The following HIP1 variants were observed in gnomAD, a reference collection of about 807,000 sequenced individuals.
The protein encoded by HIP1 is huntingtin-interacting protein 1.
Under a neutral mutation model 147.6 loss-of-function variants are expected in HIP1, and 65 were observed. That is an observed-to-expected ratio of 0.44 (90% CI 0.36 to 0.54). HIP1 has a LOEUF of 0.54. Among genes scored for constraint, HIP1 ranks in the 20% least tolerant of loss-of-function variants. The probability of loss-of-function intolerance (pLI) is 0.00; values close to 1 mark genes in which losing one functional copy is unlikely to be tolerated. For missense variants in HIP1, 1,061 were observed against 1,299.6 expected (o/e 0.82, Z 2.82); for synonymous variants, 479 against 504.0 (o/e 0.95, Z 0.67).
intron 1 of HIP1, among the ~76,000 whole-genome samples, chr7:75,701,061 G>T (rs1800815472): frequency 6.6e-6 from 1 of 152,046 alleles, no homozygotes; most frequent in Non-Finnish European, 1.5e-5. Context: ...TAGCCTCTCC[G>T]GATGGGATGA....
At chr7:75,555,700 A>T in intron 18 of HIP1, 149 bp from the exon 19 acceptor site, 1 of 865,996 alleles carries the variant, frequency 1.2e-6, no homozygotes, top group Non-Finnish European at 1.8e-6. Context: ...AGGCGCTTTA[A>T]CTGTGTGCAC....
chr7:75,717,158 C>T (rs183886932), intron 1 of HIP1, among the ~76,000 whole-genome samples: 208 of 152,232 alleles, frequency 1.4e-3, no homozygotes, highest in Non-Finnish European at 2.1e-3. Flanking sequence ...CATGTGCAGT[C>T]TCACTTGACC....
chr7:75,541,183 T>C (rs587646007), intron 29 of HIP1, among the ~76,000 whole-genome samples: 1 of 151,514 alleles, frequency 6.6e-6, no homozygotes, highest in African/African-American at 2.4e-5. Context: ...GATCACAAGG[T>C]CAGGAGTTTG....
At chr7:75,562,001 G>T in intron 12 of HIP1, 72 bp downstream of exon 12, 1 of 865,212 alleles carries the variant, frequency 1.2e-6, no homozygotes, top group Non-Finnish European at 2.0e-6. Context: ...TTCCTCTTTG[G>T]TTAGTGTTTT....
intron 1 of HIP1, among the ~76,000 whole-genome samples, chr7:75,641,593 GA>G (rs1453155490): frequency 2.0e-5 from 3 of 151,896 alleles, no homozygotes; most frequent in Non-Finnish European, 4.4e-5. Flanking sequence ...CTGGGTTCAA[GA>G]AATTCGCCTG....
At chr7:75,555,909 G>A in intron 18 of HIP1, 117 bp downstream of exon 18, 1 of 1,266,324 alleles carries the variant, frequency 7.9e-7, no homozygotes, top group Non-Finnish European at 1.1e-6. Flanking sequence ...TGCACAATCA[G>A]GCCAAGGCCC....
At chr7:75,673,308 C>T (rs2117250474) in intron 1 of HIP1, among the ~76,000 whole-genome samples, 1 of 152,272 alleles carries the variant, frequency 6.6e-6, no homozygotes, top group East Asian at 1.9e-4. Flanking sequence ...CAGGGGTGAA[C>T]CACTGAGCCC....
intron 12 of HIP1, among the ~76,000 whole-genome samples, chr7:75,561,693 A>G (rs1349786662): frequency 6.6e-6 from 1 of 152,210 alleles, no homozygotes; most frequent in Non-Finnish European, 1.5e-5. Flanking sequence ...CCCAGGCTGA[A>G]GTGTAGTGGC....
intron 5 of HIP1, among the ~76,000 whole-genome samples, chr7:75,584,438 A>G (rs782653406): frequency 6.6e-6 from 1 of 152,018 alleles, no homozygotes; most frequent in African/African-American, 2.4e-5. Context: ...GCTCCTCCAC[A>G]CTTGGACAAT....
chr7:75,580,025 A>T (rs1206279878), intron 7 of HIP1, among the ~76,000 whole-genome samples: 1 of 152,192 alleles, frequency 6.6e-6, no homozygotes, highest in Non-Finnish European at 1.5e-5. Context: ...GAGGCTTGTC[A>T]GGGAAGCATT....
At chr7:75,704,986 CT>C (rs1800945012) in intron 1 of HIP1, among the ~76,000 whole-genome samples, 1 of 152,176 alleles carries the variant, frequency 6.6e-6, no homozygotes, top group South Asian at 2.1e-4. Flanking sequence ...ATGCGTTTTA[CT>C]TTCTTTTCCA....
At chr7:75,586,916 G>T in intron 4 of HIP1, 83 bp from the exon 5 acceptor site, 1 of 827,528 alleles carries the variant, frequency 1.2e-6, no homozygotes, top group Non-Finnish European at 2.1e-6. Flanking sequence ...CTCTGGTAAA[G>T]AATCTATCTT....
At chr7:75,675,020 A>G (rs933041110) in intron 1 of HIP1, among the ~76,000 whole-genome samples, 16 of 151,592 alleles carry the variant, frequency 1.1e-4, no homozygotes, top group Admixed American at 1.1e-3. Context: ...TATTTCTTCA[A>G]ATATTCTTTC....
intron 1 of HIP1, among the ~76,000 whole-genome samples, chr7:75,680,294 C>T (rs947731392): frequency 6.6e-6 from 1 of 152,068 alleles, no homozygotes; most frequent in South Asian, 2.1e-4. Context: ...TTGCCCGCCT[C>T]GGCCTCCCAA....
chr7:75,684,272 C>T (rs1368966611), intron 1 of HIP1, among the ~76,000 whole-genome samples: 2 of 151,710 alleles, frequency 1.3e-5, no homozygotes, highest in Non-Finnish European at 2.9e-5. Context: ...CATGGTGAAA[C>T]CGTGTCTCTA....
chr7:75,706,262 C>T (rs1554519710), intron 1 of HIP1, among the ~76,000 whole-genome samples: 1 of 152,140 alleles, frequency 6.6e-6, no homozygotes, highest in African/African-American at 2.4e-5. Flanking sequence ...ACATTCCCAC[C>T]AACACTGCAC....
intron 22 of HIP1, among the ~76,000 whole-genome samples, chr7:75,552,762 T>C (rs957553829): frequency 7.9e-5 from 12 of 152,166 alleles, no homozygotes; most frequent in South Asian, 4.1e-4. Flanking sequence ...TATACTTCTT[T>C]GATATTGCCT....
At position 75,681,905 on chromosome 7, in the gene HIP1, C is replaced by A. The variant is rs541750785; in HGVS notation, c.120+56896G>T. On this transcript the variant is annotated intron_variant, in intron 1 of 30. Coordinates refer to ENST00000336926, the MANE Select transcript of HIP1 (RefSeq NM_005338.7). Reference sequence around the variant, plus strand: ...TGGCATCTGGTCCTGTCGTGTCCACCCACCATCTCCCCTGGACTGGCACCT... The same window carrying A: ...TGGCATCTGGTCCTGTCGTGTCCACACACCATCTCCCCTGGACTGGCACCT... 2.2e-3 allele frequency among the ~76,000 whole-genome samples: 342 copies of A among 152,096 alleles called. 4 individuals are homozygous for A. The highest frequency in any genetic ancestry group is 0.018 in the South Asian group (88 of 4,820).
intron 1 of HIP1, among the ~76,000 whole-genome samples, chr7:75,660,077 G>C (rs1441935727): frequency 1.3e-5 from 2 of 151,896 alleles, no homozygotes; most frequent in African/African-American, 4.8e-5. Flanking sequence ...ACTGAGCCGA[G>C]ATAGTGCCAT....
Sources: gnomAD v4.1 joint callset for allele counts (sites outside exome capture counted in the v4.1 genomes callset) on GRCh38, gnomAD v4.1.1 for gene constraint, MANE v1.5 for transcripts, NCBI Gene and HGNC (gene_info 2026-07-23, HGNC 2026-07-21) for gene names.